Variants in UEVLD observed in about 807,000 individuals in gnomAD.
The protein encoded by UEVLD is UEV and lactate/malate dehyrogenase domains, also known as ubiquitin-conjugating enzyme E2 variant 3.
Under a neutral mutation model 58.6 loss-of-function variants are expected in UEVLD, and 47 were observed. That is an observed-to-expected ratio of 0.80 (90% CI 0.63 to 1.02). The LOEUF (loss-of-function observed/expected upper bound fraction) is 1.02. Among genes scored for constraint, UEVLD ranks in the 50% least tolerant of loss-of-function variants. The probability of loss-of-function intolerance (pLI) is 0.00; values close to 1 mark genes in which losing one functional copy is unlikely to be tolerated. For missense variants in UEVLD, 510 were observed against 550.6 expected (o/e 0.93, Z 0.74); for synonymous variants, 197 against 195.3 (o/e 1.01, Z -0.07).
In UEVLD at chr11:18,570,207, A is replaced by G. The variant is rs551837620; in HGVS notation, c.357+7T>C. 23 of 1,575,898 alleles carry G rather than the reference A, an allele frequency of 1.5e-5. No individual in the cohort carries two copies. In the South Asian group the frequency reaches 2.7e-4, roughly 19 times the overall value. On this transcript the variant is annotated splice_region_variant and intron_variant, in intron 4 of 11. Coordinates refer to ENST00000396197, the MANE Select transcript of UEVLD (RefSeq NM_001040697.4). ...AGCTTTCTGTAGAAAATCCAAATTG[A>G]TCTTACATGGCTCCAGTTTTGGAGA...
intron 7 of UEVLD, among the ~76,000 whole-genome samples, chr11:18,551,584 G>A (rs1465580516): frequency 3.9e-5 from 6 of 152,270 alleles, no homozygotes; most frequent in Middle Eastern, 6.8e-3. Flanking sequence ...ACACAATGTA[G>A]TACAAGGGTT....
At chr11:18,565,072 T>TA (rs914717065) in intron 5 of UEVLD, 62 bp from the exon 6 acceptor site, 50 of 1,233,316 alleles carry the variant, frequency 4.1e-5, no homozygotes, top group African/African-American at 6.1e-5. Context: ...TTAGGATCTT[T>TA]AAAAAAAATA....
chr11:18,557,141 TTTTG>T (rs1385943019), intron 7 of UEVLD, among the ~76,000 whole-genome samples: 2 of 147,870 alleles, frequency 1.4e-5, no homozygotes, highest in Non-Finnish European at 3.0e-5. Context: ...ATTTCAAACG[TTTTG>T]TTTTTGTTTT....
At chr11:18,551,708 T>C (rs1304664922) in intron 7 of UEVLD, among the ~76,000 whole-genome samples, 1 of 152,158 alleles carries the variant, frequency 6.6e-6, no homozygotes, top group East Asian at 1.9e-4. Flanking sequence ...GCATCTGTGT[T>C]ACCAGGACAC....
rs528022392 is a variant in UEVLD at position 18,546,037 on chromosome 11, C to CA, written c.886+842dup. On this transcript the variant is annotated intron_variant, in intron 8 of 11. Transcript: ENST00000396197. ...ATCAATGTCCCTCAACAAATTACTA[C>CA]AAAAAAACAACTGAAATGCATACAA... Among the ~76,000 whole-genome samples, 384 of 152,094 alleles carry CA rather than the reference C, an allele frequency of 2.5e-3. 1 individual carries two copies. The highest frequency in any genetic ancestry group is 7.7e-3 in the Admixed American group (118 of 15,266).
At chr11:18,561,460 G>A (rs1852027842) in intron 6 of UEVLD, among the ~76,000 whole-genome samples, 1 of 151,984 alleles carries the variant, frequency 6.6e-6, no homozygotes, top group Non-Finnish European at 1.5e-5. Context: ...AACCAGGCAT[G>A]GTGGCACGTA....
intron 7 of UEVLD, among the ~76,000 whole-genome samples, chr11:18,550,861 G>A (rs1163257585): frequency 6.6e-6 from 1 of 152,160 alleles, no homozygotes; most frequent in Admixed American, 6.5e-5. Context: ...TAATAAAAAT[G>A]CAGATTAGCC....
At position 18,536,462 on chromosome 11, in the gene UEVLD, T is replaced by G. The variant is rs775569186; in HGVS notation, c.1068A>C (p.Thr356=). The G allele has an allele frequency of 1.2e-6, 2 of 1,613,486 alleles. No homozygotes were observed. The highest frequency in any genetic ancestry group is 2.7e-5 in the African/African-American group (2 of 74,920). Residue 356 remains threonine (T), a synonymous_variant, in exon 10 of 12, where the codon ACA becomes ACC. Coordinates refer to ENST00000396197, the MANE Select transcript of UEVLD (RefSeq NM_001040697.4). ...IGEQGEDKVL[T]WSGQEEVVSH... is the part of the protein sequence containing the mutation. ...TCACTACTTCTTCTTGGCCACTCCA[T>G]GTGAGCACTAAAATTAGATGAAGAA...
chr11:18,564,680 C>G (rs1344398043), intron 6 of UEVLD, among the ~76,000 whole-genome samples: 1 of 151,970 alleles, frequency 6.6e-6, no homozygotes, highest in Non-Finnish European at 1.5e-5. Context: ...GAGGATAAGC[C>G]CATTGTTCAA....
At chr11:18,570,855 T>G (rs752728709) in intron 3 of UEVLD, 1 of 151,648 alleles carries the variant, frequency 6.6e-6, no homozygotes, top group African/African-American at 2.4e-5. Context: ...ACATTCACAT[T>G]GGAAATATGT....
intron 9 of UEVLD, among the ~76,000 whole-genome samples, chr11:18,538,457 G>C (rs1850908869): frequency 6.6e-6 from 1 of 151,624 alleles, no homozygotes; most frequent in African/African-American, 2.4e-5. Context: ...GGGATCACAG[G>C]TGTGCACCCC....
At chr11:18,567,381 A>C (rs1852350672) in intron 4 of UEVLD, among the ~76,000 whole-genome samples, 1 of 152,182 alleles carries the variant, frequency 6.6e-6, no homozygotes. Context: ...TATTCCTGGG[A>C]ATATTTAGTA....
intron 8 of UEVLD, among the ~76,000 whole-genome samples, chr11:18,546,649 C>T (rs1278908272): frequency 2.6e-5 from 4 of 152,030 alleles, no homozygotes; most frequent in Admixed American, 6.6e-5. Context: ...CAGGCACCCG[C>T]CACCATGCCT....
intron 3 of UEVLD, among the ~76,000 whole-genome samples, chr11:18,574,368 C>T (rs12280959): frequency 0.066 from 10,059 of 152,208 alleles, 467 homozygotes; most frequent in East Asian, 0.17. Flanking sequence ...GAACTCCTGA[C>T]CTCAAGTGAT....
intron 6 of UEVLD, among the ~76,000 whole-genome samples, chr11:18,563,494 G>A (rs1852143207): frequency 6.6e-6 from 1 of 152,156 alleles, no homozygotes; most frequent in Admixed American, 6.6e-5. Context: ...GGGAGGCTAA[G>A]GTGGGAGGAT....
chr11:18,555,126 C>T (rs1428525601), intron 7 of UEVLD, among the ~76,000 whole-genome samples: 3 of 151,552 alleles, frequency 2.0e-5, no homozygotes, highest in Non-Finnish European at 4.4e-5. Context: ...CCTGTCTCTA[C>T]AAAAAATGAA....
chr11:18,566,626 C>G, intron 4 of UEVLD, 144 bp from the exon 5 acceptor site: 1 of 773,304 alleles, frequency 1.3e-6, no homozygotes, highest in Non-Finnish European at 2.0e-6. Context: ...GCTTGGGCAA[C>G]AGAATGAGAC....
rs562100106 is a variant in UEVLD at position 18,559,467 on chromosome 11, G to A, written c.613-1137C>T. Among the ~76,000 whole-genome samples, 8 of 152,236 alleles carry A rather than the reference G, an allele frequency of 5.3e-5. No individual in the cohort carries two copies. In the East Asian group the frequency reaches 7.7e-4, roughly 15 times the overall value. ...GCCTGCCTCGTCCTCTCAAAGTGCTGGGATTACAGGCATGAGCCACTATGC... is the reference window on the plus strand; with the variant it reads ...GCCTGCCTCGTCCTCTCAAAGTGCTAGGATTACAGGCATGAGCCACTATGC... On this transcript the variant is annotated intron_variant, in intron 6 of 11. Coordinates refer to ENST00000396197, the MANE Select transcript of UEVLD (RefSeq NM_001040697.4).
chr11:18,588,215 A>C (rs1384230539), intron 1 of UEVLD, among the ~76,000 whole-genome samples: 1 of 152,216 alleles, frequency 6.6e-6, no homozygotes, highest in African/African-American at 2.4e-5. Context: ...AGAAGGGTTG[A>C]TTCAATCTTA....
Sources: gnomAD v4.1 joint callset for allele counts (sites outside exome capture counted in the v4.1 genomes callset) on GRCh38, gnomAD v4.1.1 for gene constraint, MANE v1.5 for transcripts, NCBI Gene and HGNC (gene_info 2026-07-23, HGNC 2026-07-21) for gene names.